Variants in TFCP2L1 observed in about 807,000 individuals in gnomAD.
TFCP2L1 encodes the protein transcription factor CP2-like protein 1.
Under a neutral mutation model 72.2 loss-of-function variants are expected in TFCP2L1, and 12 were observed. That is an observed-to-expected ratio of 0.17 (90% CI 0.11 to 0.27). The LOEUF (loss-of-function observed/expected upper bound fraction) is 0.27. Ranked by LOEUF, TFCP2L1 falls within the 10% of genes least tolerant of loss-of-function variation. TFCP2L1 has a pLI of 1.00. For synonymous variants in TFCP2L1, 260 were observed against 251.0 expected, an observed-to-expected ratio of 1.04 and a Z score of -0.34; for missense variants, 488 against 624.6, an observed-to-expected ratio of 0.78 and a Z score of 2.33.
At position 121,262,089 on chromosome 2, in the gene TFCP2L1, G is replaced by A. The variant is rs1340617410; in HGVS notation, c.215-12442C>T. ...CCAACACTTTGGAAGGCCAAGGCAGGAGGACTGTTTGAGCTCTGGAATTGA... is the reference window on the plus strand; with the variant it reads ...CCAACACTTTGGAAGGCCAAGGCAGAAGGACTGTTTGAGCTCTGGAATTGA... On this transcript the variant is annotated intron_variant, in intron 2 of 14. Transcript: ENST00000263707. Among the ~76,000 whole-genome samples the A allele has an allele frequency of 1.3e-5, 2 of 152,212 alleles. 1 individual carries two copies. Among genetic ancestry groups the A allele is most frequent in the Middle Eastern group, 6.3e-3 (2 of 316 alleles).
At chr2:121,231,191 G>T (rs1686136627) in intron 13 of TFCP2L1, among the ~76,000 whole-genome samples, 1 of 152,204 alleles carries the variant, frequency 6.6e-6, no homozygotes, top group Non-Finnish European at 1.5e-5. Context: ...ACACACTCCT[G>T]TTATTAGGTG....
intron 7 of TFCP2L1, chr2:121,240,832 C>T (rs1000102098): frequency 2.7e-5 from 21 of 791,548 alleles, no homozygotes; most frequent in South Asian, 1.1e-4. Flanking sequence ...CTTTGCGGGC[C>T]GTGGGGGAGG....
At chr2:121,230,254 C>T (rs1417850236) in intron 13 of TFCP2L1, among the ~76,000 whole-genome samples, 1 of 152,150 alleles carries the variant, frequency 6.6e-6, no homozygotes, top group Non-Finnish European at 1.5e-5. Flanking sequence ...TCACTGCAAC[C>T]TCTGCCTCCC....
chr2:121,245,080 C>T lies in TFCP2L1; in HGVS notation c.657+1738G>A, dbSNP rs1487881916. On this transcript the variant is annotated intron_variant, in intron 6 of 14. Transcript: ENST00000263707. ...GTTTCAGATGGAATTAAGATTGCTA[C>T]GCAACTGATGCAATAGGAAGACTAT... Among the ~76,000 whole-genome samples the T allele has an allele frequency of 3.9e-5, 6 of 152,310 alleles. No individual in the cohort carries two copies. The South Asian group carries it at 1.0e-3, about 26-fold the overall frequency.
chr2:121,217,608 G>A lies in TFCP2L1; in HGVS notation c.*6733C>T, dbSNP rs539345900. ...GGAAGAGCAGCTGGACACATGGGAA[G>A]AGGCTTGCAGGCTCCAGAGAAGCCA... is the stretch of plus-strand genomic sequence containing the variant. On this transcript the variant is annotated 3_prime_UTR_variant, in exon 15 of 15. Coordinates refer to ENST00000263707, the MANE Select transcript of TFCP2L1 (RefSeq NM_014553.3). The A allele has an allele frequency of 6.6e-6, 1 of 152,626 alleles. No homozygotes were observed. The highest frequency in any genetic ancestry group is 2.1e-4 in the South Asian group (1 of 4,838). 9.5% of individuals were successfully genotyped at this position (152,626 alleles called of 1,614,324 possible).
In TFCP2L1 at chr2:121,231,831, T is replaced by C; in HGVS notation, c.1336A>G (p.Asn446Asp). The change falls in exon 13 of 15, where the codon AAC becomes GAC. Residue 446 changes from asparagine to aspartate, a missense_variant. By Grantham distance (23) the Asn-to-Asp change is conservative. This residue lies in a region of TFCP2L1 where 286 missense variants were observed against 329.0 expected (regional missense o/e 0.87). Coordinates refer to ENST00000263707, the MANE Select transcript of TFCP2L1 (RefSeq NM_014553.3). ...GGCCAGGCAGCAGCCCTCACCTCGTTGCTCACCACCACATGGATGCCCGTG... is the reference window on the plus strand; with the variant it reads ...GGCCAGGCAGCAGCCCTCACCTCGTCGCTCACCACCACATGGATGCCCGTG... Reference protein sequence around the residue: ...GPTGIHVVVSNEMVQNFQDES... With the variant: ...GPTGIHVVVSDEMVQNFQDES... 2 of 1,612,964 alleles carry C rather than the reference T, an allele frequency of 1.2e-6. No individual in the cohort carries two copies. The highest frequency in any genetic ancestry group is 1.7e-6 in the Non-Finnish European group (2 of 1,179,464).
chr2:121,280,947 A>C (rs1439343582), intron 2 of TFCP2L1, among the ~76,000 whole-genome samples, 173 bp downstream of exon 2: 1 of 151,882 alleles, frequency 6.6e-6, no homozygotes, highest in Admixed American at 6.6e-5. Context: ...CTGAGGCTGG[A>C]GGGGGTCACA....
chr2:121,222,480 G>A lies in TFCP2L1; in HGVS notation c.*1861C>T, dbSNP rs188775573. 2 of 152,306 alleles carry A rather than the reference G, an allele frequency of 1.3e-5. No individual in the cohort carries two copies. Among genetic ancestry groups the A allele is most frequent in the East Asian group, 3.9e-4 (2 of 5,190 alleles). 9.4% of individuals were successfully genotyped at this position (152,306 alleles called of 1,614,324 possible). A position where few individuals can be genotyped will look rare whatever the true frequency, so the allele number is the denominator to read the frequency against. On this transcript the variant is annotated 3_prime_UTR_variant, in exon 15 of 15. Transcript: ENST00000263707. Reference sequence around the variant, plus strand: ...GTATTATTCAGCAATACAAAAGAATGAAGTACTGATACATCCTCAACTTGG... The same window carrying A: ...GTATTATTCAGCAATACAAAAGAATAAAGTACTGATACATCCTCAACTTGG...
chr2:121,257,066 C>G (rs1686741790), intron 2 of TFCP2L1, among the ~76,000 whole-genome samples: 1 of 152,302 alleles, frequency 6.6e-6, no homozygotes, highest in Non-Finnish European at 1.5e-5. Context: ...CCTGGCCCAA[C>G]CCTACACTGT....
In TFCP2L1 at chr2:121,235,329, G is replaced by A. The variant is rs372384440; in HGVS notation, c.1004-18C>T. On this transcript the variant is annotated intron_variant, in intron 10 of 14. Transcript: ENST00000263707. ...GTCAGCACCTAGGCAGGAAAAAAAC[G>A]GGGATGCCTGTTACATGGAACCCAG... The A allele has an allele frequency of 3.2e-5, 51 of 1,613,518 alleles. 1 individual carries two copies. In the East Asian group the frequency reaches 6.7e-4, roughly 21 times the overall value.
intron 13 of TFCP2L1, among the ~76,000 whole-genome samples, chr2:121,226,598 T>C (rs1430261261): frequency 1.3e-5 from 2 of 152,150 alleles, no homozygotes; most frequent in Non-Finnish European, 2.9e-5. Context: ...CCTGTGTCTA[T>C]AAATGTGGCA....
chr2:121,260,546 T>C (rs1356047395), intron 2 of TFCP2L1, among the ~76,000 whole-genome samples: 1 of 152,158 alleles, frequency 6.6e-6, no homozygotes, highest in Non-Finnish European at 1.5e-5. Context: ...ACACAGAAAC[T>C]GTCCTCCAGC....
At chr2:121,235,393 G>C in intron 10 of TFCP2L1, 82 bp from the exon 11 acceptor site, 8 of 1,153,394 alleles carry the variant, frequency 6.9e-6, no homozygotes, top group Non-Finnish European at 9.0e-6. Context: ...AGACCCCATA[G>C]CACTGGGGGT....
At position 121,237,811 on chromosome 2, in the gene TFCP2L1, C is replaced by G. The variant is rs1484376067; in HGVS notation, c.900G>C (p.Val300=). Residue 300 remains valine, a synonymous_variant, in exon 9 of 15, where the codon GTG becomes GTC. Transcript: ENST00000263707. The stretch of plus-strand genomic sequence containing the variant: ...CTGCTCAGACACTTACGTCACTGCC[C>G]ACGGGCAGGGCCTCCACCGGGTGGG... The part of the protein sequence containing the change: ...SPTHPVEALP[V]GSDHLLPSAS... 6.2e-7 allele frequency: 1 copy of G among 1,614,014 alleles called. No homozygotes were observed. The highest frequency in any genetic ancestry group is 8.5e-7 in the Non-Finnish European group (1 of 1,180,038).
chr2:121,257,264 G>GC (rs1299078706), intron 2 of TFCP2L1, among the ~76,000 whole-genome samples: 4 of 151,996 alleles, frequency 2.6e-5, no homozygotes, highest in Non-Finnish European at 5.9e-5. Context: ...CTGAGCTGAG[G>GC]CCCCCTCCTG....
chr2:121,246,481 T>C (rs1686484291), intron 6 of TFCP2L1, among the ~76,000 whole-genome samples: 1 of 131,264 alleles, frequency 7.6e-6, no homozygotes, highest in Admixed American at 7.6e-5. Flanking sequence ...AACTGTAATG[T>C]GCTTGGGAGA....
chr2:121,255,867 C>T (rs1686707038), intron 2 of TFCP2L1, among the ~76,000 whole-genome samples: 1 of 152,042 alleles, frequency 6.6e-6, no homozygotes, highest in South Asian at 2.1e-4. Context: ...CTCAGGCTCC[C>T]GAGTAGCTGG....
intron 2 of TFCP2L1, among the ~76,000 whole-genome samples, chr2:121,276,998 A>G (rs925659078): frequency 2.6e-5 from 4 of 152,116 alleles, no homozygotes; most frequent in South Asian, 2.1e-4. Context: ...TTATCACCCA[A>G]CGAAAGTTAA....
intron 3 of TFCP2L1, 145 bp downstream of exon 3, chr2:121,249,426 G>A (rs1686559061): frequency 2.8e-6 from 2 of 708,228 alleles, no homozygotes; most frequent in Admixed American, 5.5e-5. Context: ...CCAAACAGGG[G>A]CTGCGTCTCA....
Sources: allele counts gnomAD v4.1 joint callset (sites outside exome capture counted in the v4.1 genomes callset), GRCh38; gene constraint gnomAD v4.1.1; regional missense constraint gnomAD v4.1.1; transcripts MANE v1.5; gene names NCBI Gene and HGNC (gene_info 2026-07-23, HGNC 2026-07-21).